The following TRIM7 variants were observed in gnomAD, a reference collection of about 807,000 sequenced individuals.
TRIM7 encodes E3 ubiquitin-protein ligase TRIM7.
TRIM7 carries 32 observed loss-of-function variants against 37.9 expected under a neutral mutation model. The observed-to-expected ratio is 0.84, with a 90% CI of 0.64 to 1.13. The LOEUF (loss-of-function observed/expected upper bound fraction) is 1.13, where lower values mean the gene tolerates loss of function less well. Ranked by LOEUF, TRIM7 falls within the 50% of genes most tolerant of loss-of-function variation. The pLI, the probability that TRIM7 is intolerant of heterozygous loss-of-function variation, is 0.00. For synonymous variants in TRIM7, 351 were observed against 321.3 expected, an observed-to-expected ratio of 1.09 and a Z score of -0.99; for missense variants, 732 against 714.0, an observed-to-expected ratio of 1.03 and a Z score of -0.29.
Position 181,195,097 on chromosome 5 carries a change from G to C in TRIM7, c.*69C>G. 6.5e-7 allele frequency: 1 copy of C among 1,528,502 alleles called. No individual in the cohort carries two copies. The highest frequency in any genetic ancestry group is 1.3e-5 in the South Asian group (1 of 79,078). The allele number at this position is 1,528,502 out of a possible 1,614,324, so 94.7% of individuals were successfully genotyped here. On this transcript the variant is annotated 3_prime_UTR_variant, in exon 7 of 7. Transcript: ENST00000274773. ...CGGAGGGCAGACCCAAGACGGACCAGGCATCTCTGGGGAGGCGACATCCCC... is the reference window on the plus strand; with the variant it reads ...CGGAGGGCAGACCCAAGACGGACCACGCATCTCTGGGGAGGCGACATCCCC...
intron 3 of TRIM7, 130 bp downstream of exon 3, chr5:181,199,721 T>C: frequency 1.4e-6 from 2 of 1,425,040 alleles, no homozygotes; most frequent in Admixed American, 2.8e-5. Context: ...ATCAGGGCAC[T>C]TCTCTCCAGT....
Position 181,195,321 on chromosome 5 carries a change from C to A in TRIM7, c.1381G>T (p.Val461Leu). Reference sequence around the variant, plus strand: ...ACCTCCAGGTCCAGGGCCACCCGCACGCGCGACAGGTGCCCGCAGCTGAGG... The same window carrying A: ...ACCTCCAGGTCCAGGGCCACCCGCAAGCGCGACAGGTGCCCGCAGCTGAGG... ...SPLSCGHLSR[V>L]RVALDLEVGA... The change falls in exon 7 of 7, where the codon GTG becomes TTG. Residue 461 changes from valine to leucine, a missense_variant. Transcript: ENST00000274773. The A allele has an allele frequency of 6.3e-7, 1 of 1,594,280 alleles. No homozygotes were observed. Among genetic ancestry groups the A allele is most frequent in the Non-Finnish European group, 8.5e-7 (1 of 1,170,926 alleles).
intron 1 of TRIM7, chr5:181,204,036 A>T (rs1757672058): frequency 1.0e-6 from 1 of 1,004,600 alleles, no homozygotes; most frequent in African/African-American, 1.7e-5. Context: ...GCTGAGGCTC[A>T]GCGAGAAAAT....
intron 2 of TRIM7, chr5:181,200,421 C>A: frequency 4.6e-6 from 6 of 1,313,284 alleles, no homozygotes; most frequent in Non-Finnish European, 5.8e-6. Flanking sequence ...AAATTAGTGC[C>A]TCCTGGGGCA....
chr5:181,200,255 AAGC>A lies in TRIM7; in HGVS notation c.619-177_619-175del, dbSNP rs2113075127. ...TATTGTCAGTGTCCCAGCTCTGAAC[AAGC>A]TGTAGTCTGGACACATGCTCTTTTC... On this transcript the variant is annotated intron_variant, in intron 2 of 6. Transcript: ENST00000274773. The A allele has an allele frequency of 3.4e-6, 5 of 1,484,280 alleles. No homozygotes were observed. The East Asian group carries it at 1.2e-4, about 35-fold the overall frequency. 91.9% of individuals were successfully genotyped at this position (1,484,280 alleles called of 1,614,324 possible).
chr5:181,204,261 G>A, intron 1 of TRIM7: 3 of 1,062,338 alleles, frequency 2.8e-6, no homozygotes, highest in South Asian at 4.5e-5. Flanking sequence ...CGCGGGCAGA[G>A]AGCTGCGGAG....
chr5:181,203,816 G>C, intron 1 of TRIM7, 176 bp from the exon 2 acceptor site: 8 of 1,365,002 alleles, frequency 5.9e-6, no homozygotes, highest in Non-Finnish European at 7.5e-6. Context: ...TGAAGGTCTC[G>C]GGATCTTGCT....
In TRIM7 at chr5:181,200,087, C is replaced by G. The variant is rs771134825; in HGVS notation, c.619-6G>C. ...TGCTCCGCTGCCATCTGTTTCTGTCCCAGGAGGAGAAGTTGGAGAGGGACT... is the reference window on the plus strand; with the variant it reads ...TGCTCCGCTGCCATCTGTTTCTGTCGCAGGAGGAGAAGTTGGAGAGGGACT... On this transcript the variant is annotated splice_polypyrimidine_tract_variant and splice_region_variant and intron_variant, in intron 2 of 6. Transcript: ENST00000274773. 1 of 1,614,266 alleles carries G rather than the reference C, an allele frequency of 6.2e-7. No individual in the cohort carries two copies. The highest frequency in any genetic ancestry group is 8.5e-7 in the Non-Finnish European group (1 of 1,180,058).
chr5:181,200,435 A>G (rs1389871745), intron 2 of TRIM7: 1 of 1,269,268 alleles, frequency 7.9e-7, no homozygotes, highest in Non-Finnish European at 9.9e-7. Flanking sequence ...TGGGGCAACC[A>G]TAGGATTAAA....
At chr5:181,201,573 A>G (rs1351162082) in intron 2 of TRIM7, among the ~76,000 whole-genome samples, 2 of 152,162 alleles carry the variant, frequency 1.3e-5, no homozygotes, top group Admixed American at 1.3e-4. Context: ...TGGGCAACAC[A>G]GGAGACTACC....
chr5:181,200,293 A>G, intron 2 of TRIM7: 1 of 1,440,732 alleles, frequency 6.9e-7, no homozygotes, highest in Non-Finnish European at 9.1e-7. Context: ...CTCCCCTGCC[A>G]CAGATGCACC....
intron 3 of TRIM7, 179 bp from the exon 4 acceptor site, chr5:181,199,296 C>A: frequency 1.5e-6 from 1 of 673,440 alleles, no homozygotes; most frequent in African/African-American, 1.8e-5. Context: ...TGCAGGGTGT[C>A]TCACCCACGC....
chr5:181,198,593 C>T (rs1183352352), intron 5 of TRIM7, 97 bp downstream of exon 5: 22 of 863,680 alleles, frequency 2.5e-5, no homozygotes, highest in Non-Finnish European at 4.2e-5. Context: ...TATTTTCACA[C>T]ACAGCTTCTG....
rs889737514 is a variant in TRIM7, at chr5:181,203,638, C to T, written c.525G>A (p.Glu175=). Residue 175 remains glutamate, a splice_region_variant and synonymous_variant, in exon 2 of 7, where the codon GAG becomes GAA. Coordinates refer to ENST00000274773, the MANE Select transcript of TRIM7 (RefSeq NM_203293.3). ...PLDEAVQEAK[E]LLESRLRVLK... is the part of the protein sequence containing the mutation. Reference sequence around the variant, plus strand: ...AGACCCTCAGCCTGGACTCCAAGAGCTCCTGTAGATGAAGGGAAACAATGT... The same window carrying T: ...AGACCCTCAGCCTGGACTCCAAGAGTTCCTGTAGATGAAGGGAAACAATGT... 6.2e-7 allele frequency: 1 copy of T among 1,609,864 alleles called. No individual in the cohort carries two copies. Among genetic ancestry groups the T allele is most frequent in the African/African-American group, 1.3e-5 (1 of 74,630 alleles).
intron 6 of TRIM7, chr5:181,196,022 T>G (rs943674649): frequency 5.2e-5 from 14 of 267,216 alleles, no homozygotes; most frequent in South Asian, 1.6e-4. Context: ...TTTTACAAAG[T>G]CTGTTTCTTT....
In TRIM7 at chr5:181,203,620, C is replaced by A. The variant is rs368722261; in HGVS notation, c.543G>T (p.Leu181=). 7 of 1,612,854 alleles carry A rather than the reference C, an allele frequency of 4.3e-6. No homozygotes were observed. The African/African-American group carries it at 8.0e-5, about 18-fold the overall frequency. The stretch of plus-strand genomic sequence containing the variant: ...CCTCCAGTTCCTTCTTCAAGACCCT[C>A]AGCCTGGACTCCAAGAGCTCCTGTA... ...QEAKELLESR[L]RVLKKELEDC... is the part of the protein sequence containing the mutation. Residue 181 remains leucine, a synonymous_variant, in exon 2 of 7, where the codon CTG becomes CTT. Coordinates refer to ENST00000274773, the MANE Select transcript of TRIM7 (RefSeq NM_203293.3).
Position 181,205,125 on chromosome 5 carries a change from C to A in TRIM7, c.-15G>T. 1 of 1,298,846 alleles carries A rather than the reference C, an allele frequency of 7.7e-7. No homozygotes were observed. Among genetic ancestry groups the A allele is most frequent in the East Asian group, 3.1e-5 (1 of 31,942 alleles). The allele number at this position is 1,298,846 out of a possible 1,614,324, so 80.5% of individuals were successfully genotyped here. On this transcript the variant is annotated 5_prime_UTR_variant, in exon 1 of 7. Transcript: ENST00000274773. The stretch of plus-strand genomic sequence containing the variant: ...ACAGCCGCCATGCGCGCTCTCCGCG[C>A]ACCCAGATCTGGTCGCGCCTGGGCG...
intron 2 of TRIM7, chr5:181,203,221 G>A (rs1222541537): frequency 1.9e-6 from 2 of 1,072,018 alleles, no homozygotes; most frequent in African/African-American, 1.6e-5. Context: ...AAATAGTAAT[G>A]TGTTCCATTA....
chr5:181,204,530 G>A, intron 1 of TRIM7, 59 bp downstream of exon 1: 1 of 1,306,548 alleles, frequency 7.7e-7, no homozygotes, highest in East Asian at 3.1e-5. Flanking sequence ...GTGCGCGGGA[G>A]CGCGGGACCA....
Sources: gnomAD v4.1 joint callset for allele counts (sites outside exome capture counted in the v4.1 genomes callset) on GRCh38, gnomAD v4.1.1 for gene constraint, MANE v1.5 for transcripts, NCBI Gene and HGNC (gene_info 2026-07-23, HGNC 2026-07-21) for gene names.